Variants in RP1 observed in about 807,000 individuals in gnomAD.
RP1 encodes oxygen-regulated protein 1.
RP1 carries 16 observed loss-of-function variants against 14.8 expected under a neutral mutation model. The ratio of observed to expected loss-of-function variants is 1.08; its 90% CI spans 0.73 to 1.65. The LOEUF (loss-of-function observed/expected upper bound fraction) is 1.65. Among genes scored for constraint, RP1 ranks in the 40% most tolerant of loss-of-function variants. The pLI is 0.00. For synonymous variants in RP1, 876 were observed against 883.6 expected, an observed-to-expected ratio of 0.99 and a Z score of 0.15; for missense variants, 2,631 against 2,535.0, an observed-to-expected ratio of 1.04 and a Z score of -0.81.
exon 25 of RP1, chr8:54,837,466 T>A: frequency 8.1e-7 from 1 of 1,228,298 alleles, no homozygotes; most frequent in Non-Finnish European, 1.0e-6. Flanking sequence ...CTCAAAGATA[T>A]TGGTGAAATC....
intron 7 of RP1, among the ~76,000 whole-genome samples, chr8:54,673,613 G>A (rs191458189): frequency 1.6e-3 from 251 of 152,208 alleles, no homozygotes; most frequent in African/African-American, 5.9e-3. Context: ...GGTGGCACAT[G>A]CCTGTAATAC....
intron 13 of RP1, among the ~76,000 whole-genome samples, chr8:54,700,404 T>TG (rs1807984200): frequency 6.6e-6 from 1 of 151,734 alleles, no homozygotes; most frequent in African/African-American, 2.4e-5. Flanking sequence ...TAATACTTAT[T>TG]GAAAAAAAAA....
At chr8:54,633,737 C>CTCTCTCTCTCTATATA (rs1236298691), downstream of RP1, among the ~76,000 whole-genome samples, 8 of 118,804 alleles carry the variant, frequency 6.7e-5, no homozygotes, top group African/African-American at 2.0e-4. Context: ...CTCTCTCTCT[C>CTCTCTCTCTCTATATA]TATATATATA....
chr8:54,789,039 G>T (rs892621812), intron 24 of RP1, among the ~76,000 whole-genome samples: 8 of 152,188 alleles, frequency 5.3e-5, no homozygotes, highest in African/African-American at 1.4e-4. Context: ...ATTTTGGGGT[G>T]CTTCATGGGA....
At chr8:54,871,048 A>G (rs1245887316) in exon 29 of RP1, 3 of 152,166 alleles carry the variant, frequency 2.0e-5, no homozygotes, top group Non-Finnish European at 2.9e-5. Context: ...GTCGTCTGCA[A>G]TAGTACCTGT....
chr8:54,803,099 C>G (rs1810753363), intron 24 of RP1, among the ~76,000 whole-genome samples: 1 of 152,072 alleles, frequency 6.6e-6, no homozygotes, highest in African/African-American at 2.4e-5. Context: ...TTTTCTACAT[C>G]TTCTCAACTT....
chr8:54,870,859 C>T (rs554143800), exon 29 of RP1: 1 of 152,170 alleles, frequency 6.6e-6, no homozygotes, highest in South Asian at 2.1e-4. Flanking sequence ...CCTGCCCAAG[C>T]TTAGAGAGTG....
intron 22 of RP1, among the ~76,000 whole-genome samples, chr8:54,769,157 G>A (rs772893176): frequency 6.6e-6 from 1 of 152,082 alleles, no homozygotes; most frequent in Non-Finnish European, 1.5e-5. Context: ...GCCTCCCAAA[G>A]TGCTGGGATT....
intron 15 of RP1, among the ~76,000 whole-genome samples, chr8:54,711,767 G>A (rs986386443): frequency 6.6e-6 from 1 of 152,072 alleles, no homozygotes; most frequent in Non-Finnish European, 1.5e-5. Context: ...GTAAATGTAG[G>A]AGACAAAACA....
At chr8:54,790,579 G>C (rs1424543659) in intron 24 of RP1, among the ~76,000 whole-genome samples, 2 of 150,190 alleles carry the variant, frequency 1.3e-5, no homozygotes, top group Non-Finnish European at 3.0e-5. Flanking sequence ...AAAAAAAAAG[G>C]TAGACAACTA....
intron 26 of RP1, chr8:54,856,927 T>A: frequency 2.8e-6 from 1 of 357,096 alleles, no homozygotes; most frequent in Non-Finnish European, 4.9e-6. Context: ...GTAAGAATAC[T>A]ATATAGTATA....
At chr8:54,838,558 T>C (rs1244336592) in intron 25 of RP1, among the ~76,000 whole-genome samples, 1 of 152,158 alleles carries the variant, frequency 6.6e-6, no homozygotes, top group Non-Finnish European at 1.5e-5. Flanking sequence ...TTTCAATGTA[T>C]GTGCATGAAT....
At chr8:54,658,566 A>AG (rs1297120664) in intron 6 of RP1, among the ~76,000 whole-genome samples, 2 of 149,472 alleles carry the variant, frequency 1.3e-5, no homozygotes, top group African/African-American at 5.1e-5. Flanking sequence ...AAAAAAAAAA[A>AG]AAAAAGACTG....
intron 22 of RP1, among the ~76,000 whole-genome samples, chr8:54,760,388 C>A (rs1239088836): frequency 2.0e-5 from 3 of 152,196 alleles, no homozygotes; most frequent in Non-Finnish European, 2.9e-5. Context: ...TACTAACTAG[C>A]ATCATTCTGA....
Position 54,605,333 on chromosome 8 carries a change from A to ATGTAGTT in RP1, c.-12-15621_-12-15615dup, listed in dbSNP as rs1805405070. ...TTCAGGAGCAGGTTGTTCAATTTCCATGTAGTTGAGCGGTTTTGAGTGAGT... is the reference window on the plus strand; with the variant it reads ...TTCAGGAGCAGGTTGTTCAATTTCCATGTAGTTTGTAGTTGAGCGGTTTTGAGTGAGT... On this transcript the variant is annotated intron_variant, in intron 1 of 22. Transcript: ENST00000636932. 2.6e-5 allele frequency among the ~76,000 whole-genome samples: 4 copies of ATGTAGTT among 152,250 alleles called. 1 individual carries two copies. The South Asian group carries it at 8.3e-4, about 32-fold the overall frequency.
At position 54,606,864 on chromosome 8, in the gene RP1, G is replaced by A. The variant is rs1405123771; in HGVS notation, c.-12-14091G>A. Among the ~76,000 whole-genome samples the A allele has an allele frequency of 9.2e-5, 14 of 152,060 alleles. 1 individual carries two copies. The highest frequency in any genetic ancestry group is 1.9e-4 in the Non-Finnish European group (13 of 68,028). On this transcript the variant is annotated intron_variant, in intron 1 of 22. Transcript: ENST00000636932. ...CTACTGAGGCTTGTGCATTCGTCAC[G>A]TAGTTCTCGTGCCATGGTTTTCAGC...
At chr8:54,572,075 T>C (rs1421169804) in intron 1 of RP1, among the ~76,000 whole-genome samples, 1 of 152,240 alleles carries the variant, frequency 6.6e-6, no homozygotes, top group Non-Finnish European at 1.5e-5. Context: ...TCCTCCCTGC[T>C]GAAAGATGAT....
intron 1 of RP1, among the ~76,000 whole-genome samples, chr8:54,584,215 G>T (rs1400534649): frequency 6.6e-6 from 1 of 152,094 alleles, no homozygotes; most frequent in Non-Finnish European, 1.5e-5. Flanking sequence ...TGTTCTCATT[G>T]GTTTCAAAGA....
chr8:54,628,575 A>G lies in RP1; in HGVS notation c.4693A>G (p.Lys1565Glu). The change falls in exon 4 of 4, where the codon AAA becomes GAA. Residue 1565 changes from lysine to glutamate, a missense_variant. Transcript: ENST00000220676. ...GETKMVKMMV[K>E]TMETGSYSES... ...AACTAAGATGGTAAAAATGATGGTG[A>G]AAACTATGGAAACTGGAAGTTATTC... 6.2e-7 allele frequency: 1 copy of G among 1,614,062 alleles called. No individual in the cohort carries two copies. The highest frequency in any genetic ancestry group is 8.5e-7 in the Non-Finnish European group (1 of 1,179,934).
Sources: allele counts gnomAD v4.1 joint callset (sites outside exome capture counted in the v4.1 genomes callset), GRCh38; gene constraint gnomAD v4.1.1; transcripts MANE v1.5; gene names NCBI Gene and HGNC (gene_info 2026-07-23, HGNC 2026-07-21).